Variants in HYDIN observed in about 807,000 individuals in gnomAD.
The protein encoded by HYDIN is HYDIN axonemal central pair apparatus protein, also known as axonemal central pair apparatus protein HYDIN.
A neutral mutation model predicts 403.9 loss-of-function variants in HYDIN; 132 were observed. The observed-to-expected ratio is 0.33, with a 90% CI of 0.28 to 0.38. The LOEUF is 0.38. HYDIN is among the 10% of genes least tolerant of loss of function. The pLI is 1.00. For synonymous variants in HYDIN, 1,202 were observed against 1,891.7 expected, an observed-to-expected ratio of 0.64 and a Z score of 9.46; for missense variants, 2,827 against 5,009.5, an observed-to-expected ratio of 0.56 and a Z score of 13.15.
chr16:71,046,907 C>T (rs1179490748), intron 18 of HYDIN, among the ~76,000 whole-genome samples: 4 of 152,112 alleles, frequency 2.6e-5, no homozygotes, highest in Non-Finnish European at 5.9e-5. Flanking sequence ...ACAGCCATCT[C>T]TTAAAAGGGA....
chr16:71,027,426 G>A (rs2080746755), intron 20 of HYDIN, 176 bp downstream of exon 20: 5 of 1,492,212 alleles, frequency 3.4e-6, no homozygotes, highest in East Asian at 2.5e-5. Flanking sequence ...ATTGAAGACT[G>A]AGCAGAGCTG....
chr16:71,049,020 C>T (rs905681780), intron 18 of HYDIN, among the ~76,000 whole-genome samples: 7 of 152,230 alleles, frequency 4.6e-5, no homozygotes, highest in African/African-American at 1.4e-4. Context: ...TAAAACATGT[C>T]CCTTACATAG....
intron 74 of HYDIN, 144 bp downstream of exon 74, chr16:70,850,304 G>A (rs539498920): frequency 1.8e-4 from 146 of 810,010 alleles, no homozygotes; most frequent in South Asian, 1.8e-3. Context: ...TACATTCTGG[G>A]GATAGAGCTG....
At chr16:70,901,997 T>C (rs1232561787) in intron 52 of HYDIN, among the ~76,000 whole-genome samples, 2 of 152,140 alleles carry the variant, frequency 1.3e-5, no homozygotes, top group South Asian at 2.1e-4. Flanking sequence ...TTACTTTGTG[T>C]TTCATTGAAA....
chr16:71,109,375 C>A (rs1030192977), intron 10 of HYDIN, among the ~76,000 whole-genome samples: 5 of 135,044 alleles, frequency 3.7e-5, no homozygotes. Flanking sequence ...CTGTCGTTTA[C>A]GCAAAACGAC....
intron 21 of HYDIN, among the ~76,000 whole-genome samples, chr16:71,022,880 T>G (rs2080548468): frequency 6.6e-6 from 1 of 151,750 alleles, no homozygotes; most frequent in East Asian, 1.9e-4. Flanking sequence ...AGTAGACATT[T>G]AAATAAAAAC....
intron 84 of HYDIN, 42 bp downstream of exon 84, chr16:70,818,300 C>T: frequency 7.2e-7 from 1 of 1,387,688 alleles, no homozygotes; most frequent in Non-Finnish European, 1.0e-6. Context: ...GGAAGCCACT[C>T]TCACAGCTCT....
intron 35 of HYDIN, among the ~76,000 whole-genome samples, chr16:70,971,420 A>G (rs2078729529): frequency 6.6e-6 from 1 of 152,078 alleles, no homozygotes; most frequent in South Asian, 2.1e-4. Flanking sequence ...CCAAATCTAC[A>G]TTGCATCCCA....
At chr16:70,992,885 G>A (rs1436252395) in intron 23 of HYDIN, among the ~76,000 whole-genome samples, 1 of 152,200 alleles carries the variant, frequency 6.6e-6, no homozygotes, top group Non-Finnish European at 1.5e-5. Context: ...GCCTTTGGAT[G>A]TCACAAAGGC....
chr16:70,934,674 C>CCTGTCT (rs1318200468), intron 45 of HYDIN, among the ~76,000 whole-genome samples: 1 of 150,874 alleles, frequency 6.6e-6, no homozygotes, highest in Non-Finnish European at 1.5e-5. Context: ...GATACACAAG[C>CCTGTCT]CTGTCTCCAA....
chr16:71,195,767 AAGAC>A (rs1231790782), intron 1 of HYDIN, among the ~76,000 whole-genome samples: 3 of 152,230 alleles, frequency 2.0e-5, no homozygotes, highest in Admixed American at 2.0e-4. Context: ...AGATAAAAGA[AAGAC>A]AGATTCCATT....
intron 1 of HYDIN, among the ~76,000 whole-genome samples, chr16:71,219,254 AC>A (rs2089062252): frequency 6.6e-6 from 1 of 152,196 alleles, no homozygotes; most frequent in African/African-American, 2.4e-5. Flanking sequence ...TATTAGAGCA[AC>A]TTTACATTCA....
chr16:70,947,221 C>A (rs2077896726), intron 41 of HYDIN, among the ~76,000 whole-genome samples: 1 of 150,450 alleles, frequency 6.6e-6, no homozygotes, highest in Non-Finnish European at 1.5e-5. Flanking sequence ...CCCATCAATA[C>A]CTAATTTATT....
At chr16:71,220,292 T>C (rs540483726) in intron 1 of HYDIN, among the ~76,000 whole-genome samples, 1 of 152,334 alleles carries the variant, frequency 6.6e-6, no homozygotes, top group African/African-American at 2.4e-5. Flanking sequence ...TGTGAAACTA[T>C]ATAACTACTA....
intron 52 of HYDIN, among the ~76,000 whole-genome samples, chr16:70,902,121 T>C (rs2076398244): frequency 6.7e-6 from 1 of 149,508 alleles, no homozygotes; most frequent in South Asian, 2.2e-4. Context: ...CAGCTTCCTT[T>C]GTTACTGATG....
intron 67 of HYDIN, among the ~76,000 whole-genome samples, chr16:70,864,463 CAAGAAA>C (rs1597158126): frequency 1.1e-5 from 1 of 94,374 alleles, no homozygotes; most frequent in African/African-American, 3.9e-5. Flanking sequence ...AACCTTGGTA[CAAGAAA>C]AAGAAAATGA....
chr16:71,151,898 C>G (rs1057486384), intron 7 of HYDIN, among the ~76,000 whole-genome samples: 2 of 152,076 alleles, frequency 1.3e-5, no homozygotes, highest in African/African-American at 4.8e-5. Context: ...GCAACAGATA[C>G]AGTCCTATAT....
intron 21 of HYDIN, among the ~76,000 whole-genome samples, chr16:71,022,634 TG>T: frequency 6.6e-6 from 1 of 151,676 alleles, no homozygotes; most frequent in South Asian, 2.1e-4. Context: ...TTGCATATGC[TG>T]GGTAATGAAG....
chr16:71,171,281 A>G (rs1326834242), intron 5 of HYDIN, among the ~76,000 whole-genome samples: 1 of 152,214 alleles, frequency 6.6e-6, no homozygotes, highest in Non-Finnish European at 1.5e-5. Flanking sequence ...CCTCAACAGG[A>G]GAGCCTTCCC....
Sources: gnomAD v4.1 joint callset for allele counts (sites outside exome capture counted in the v4.1 genomes callset) on GRCh38, gnomAD v4.1.1 for gene constraint, MANE v1.5 for transcripts, NCBI Gene and HGNC (gene_info 2026-07-23, HGNC 2026-07-21) for gene names.